KLHDC2: variants seen among roughly 807,000 people sequenced by gnomAD.
KLHDC2 encodes the protein kelch domain-containing protein 2.
A neutral mutation model predicts 62.3 loss-of-function variants in KLHDC2; 38 were observed. The ratio of observed to expected loss-of-function variants is 0.61; its 90% confidence interval spans 0.47 to 0.80. KLHDC2 has a LOEUF of 0.80. Among genes scored for constraint, KLHDC2 ranks in the 30% least tolerant of loss-of-function variants. The probability of loss-of-function intolerance (pLI) is 0.00; values close to 1 mark genes in which losing one functional copy is unlikely to be tolerated. For synonymous variants in KLHDC2, 159 were observed against 161.0 expected, an observed-to-expected ratio of 0.99 and a Z score of 0.09; for missense variants, 430 against 495.3, an observed-to-expected ratio of 0.87 and a Z score of 1.25.
At chr14:49,768,970 C>T (rs1889603430) in intron 1 of KLHDC2, 1 of 226,918 alleles carries the variant, frequency 4.4e-6, no homozygotes, top group Non-Finnish European at 8.6e-6. Flanking sequence ...TGAAAGGTGA[C>T]GGTGTGTGAT....
chr14:49,768,812 C>T (rs1889599756), intron 1 of KLHDC2, 191 bp downstream of exon 1: 1 of 552,692 alleles, frequency 1.8e-6, no homozygotes, highest in South Asian at 2.3e-5. Context: ...AGTACCCCAA[C>T]CCGTCTCGAA....
chr14:49,769,143 G>A (rs1343265443), intron 1 of KLHDC2: 1 of 152,406 alleles, frequency 6.6e-6, no homozygotes, highest in East Asian at 1.9e-4. Flanking sequence ...TGGCCATCAG[G>A]ACTGTTTTCC....
In KLHDC2 at chr14:49,777,944, T is replaced by C. The variant is rs148686027; in HGVS notation, c.457T>C (p.Tyr153His). The change falls in exon 4 of 13, where the codon TAT becomes CAT. Residue 153 changes from tyrosine to histidine, a missense_variant. Physicochemically the swap from Tyr to His is moderately conservative, Grantham distance 83. Transcript: ENST00000298307. Reference protein sequence around the residue: ...SSKDKLGVWVYKNKLIFFGGY... With the variant: ...SSKDKLGVWVHKNKLIFFGGY... ...AAAGGACAAACTTGGTGTCTGGGTA[T>C]ATAAAAACAAGTAAGTTGGCAGCAC... 4.7e-4 allele frequency: 751 copies of C among 1,594,972 alleles called. 6 individuals are homozygous for C. The East Asian group carries it at 0.013, about 28-fold the overall frequency.
intron 12 of KLHDC2, 34 bp downstream of exon 12, chr14:49,782,628 T>C (rs1889959364): frequency 6.5e-7 from 1 of 1,543,482 alleles, no homozygotes; most frequent in Non-Finnish European, 8.8e-7. Context: ...TTAGATTATT[T>C]AAAATTGTGT....
chr14:49,776,590 A>AT (rs1039086295), intron 3 of KLHDC2, among the ~76,000 whole-genome samples: 2 of 151,846 alleles, frequency 1.3e-5, no homozygotes, highest in African/African-American at 4.8e-5. Context: ...TACTAAACCT[A>AT]TTTTTTTTGG....
Position 49,777,944 on chromosome 14 carries a change from T to G in KLHDC2, c.457T>G (p.Tyr153Asp). 6.3e-7 allele frequency: 1 copy of G among 1,594,930 alleles called. No individual in the cohort carries two copies. Among genetic ancestry groups the G allele is most frequent in the Non-Finnish European group, 8.6e-7 (1 of 1,166,056 alleles). ...AAAGGACAAACTTGGTGTCTGGGTA[T>G]ATAAAAACAAGTAAGTTGGCAGCAC... ...SSKDKLGVWV[Y>D]KNKLIFFGGY... Residue 153 changes from tyrosine (Y) to aspartate (D), a missense_variant, in exon 4 of 13, where the codon TAT (tyrosine) becomes GAT (aspartate). Tyr to Asp is a radical substitution (Grantham distance 160). Transcript: ENST00000298307.
chr14:49,778,802 C>T (rs1272716518), intron 6 of KLHDC2, among the ~76,000 whole-genome samples: 1 of 151,688 alleles, frequency 6.6e-6, no homozygotes, highest in East Asian at 1.9e-4. Context: ...CTGCTTACTG[C>T]AATCTCCACC....
Position 49,783,654 on chromosome 14 carries a change from T to C in KLHDC2, c.*701T>C, listed in dbSNP as rs868799719. The C allele has an allele frequency of 6.6e-6, 1 of 152,122 alleles. No homozygotes were observed. The highest frequency in any genetic ancestry group is 6.5e-5 in the Admixed American group (1 of 15,268). The allele number at this position is 152,122 out of a possible 1,614,324, so 9.4% of individuals were successfully genotyped here. ...AGAGTCTTTAGTGGTAAGCCTAAAA[T>C]GCGCTTCTGGTATTATAGGTTAAGA... On this transcript the variant is annotated 3_prime_UTR_variant, in exon 13 of 13. Transcript: ENST00000298307.
intron 2 of KLHDC2, among the ~76,000 whole-genome samples, chr14:49,773,072 T>C (rs925229533): frequency 6.6e-6 from 1 of 152,202 alleles, no homozygotes; most frequent in Non-Finnish European, 1.5e-5. Flanking sequence ...GAATTGGAAA[T>C]TTATAATTGT....
chr14:49,782,126 C>T (rs532233481), intron 10 of KLHDC2: 37 of 456,182 alleles, frequency 8.1e-5, no homozygotes, highest in Non-Finnish European at 1.3e-4. Context: ...GAGAACAGAT[C>T]GTTCAGTTCA....
chr14:49,778,393 G>A lies in KLHDC2; in HGVS notation c.550-18G>A. The A allele has an allele frequency of 6.9e-7, 1 of 1,450,980 alleles. No homozygotes were observed. Among genetic ancestry groups the A allele is most frequent in the Non-Finnish European group, 9.6e-7 (1 of 1,045,456 alleles). 89.9% of individuals were successfully genotyped at this position (1,450,980 alleles called of 1,614,324 possible). A position where few individuals can be genotyped will look rare whatever the true frequency, so the allele number is the denominator to read the frequency against. On this transcript the variant is annotated intron_variant, in intron 5 of 12. Transcript: ENST00000298307. The stretch of plus-strand genomic sequence containing the variant: ...TAAATATCATTTCTAAAATAACGCG[G>A]ATTCTTATTTTCTGTAGAATTCAAG...
chr14:49,768,512 G>C lies in KLHDC2; in HGVS notation c.44G>C (p.Gly15Ala), dbSNP rs773439951. ...GATCTGCGGGCTGACGACTTGCCTGGGCCAGCCTTCGAGAGCTATGAGTCC... is the reference window on the plus strand; with the variant it reads ...GATCTGCGGGCTGACGACTTGCCTGCGCCAGCCTTCGAGAGCTATGAGTCC... ...NEDLRADDLPGPAFESYESME... is the reference protein window; with the variant it reads ...NEDLRADDLPAPAFESYESME... The change falls in exon 1 of 13, where the codon GGG becomes GCG. Residue 15 changes from glycine to alanine, a missense_variant. By Grantham distance (60) the Gly-to-Ala change is moderately conservative. Transcript: ENST00000298307. The C allele has an allele frequency of 1.9e-6, 3 of 1,610,470 alleles. 1 individual carries two copies. The South Asian group carries it at 3.3e-5, about 18-fold the overall frequency.
rs774639443 is a variant in KLHDC2 at position 49,785,079 on chromosome 14, CAA to C, written c.*2128_*2129del. ...TGTTTAAAATCATAATTCAAAAAAA[CAA>C]ATTTAAATACCTTTTCCCTTTTTCT... On this transcript the variant is annotated 3_prime_UTR_variant, in exon 13 of 13. Coordinates refer to ENST00000298307, the MANE Select transcript of KLHDC2 (RefSeq NM_014315.3). 3.7e-6 allele frequency: 6 copies of C among 1,606,868 alleles called. No individual in the cohort carries two copies. The highest frequency in any genetic ancestry group is 5.1e-6 in the Non-Finnish European group (6 of 1,173,890).
In KLHDC2 at chr14:49,783,008, TCA is replaced by T. The variant is rs1023195309; in HGVS notation, c.*58_*59del. ...TGCATGGACAGCAATCCTGTAAACATCACAGAGTGGCATCATTTGTATAATTA... is the reference window on the plus strand; with the variant it reads ...TGCATGGACAGCAATCCTGTAAACATCAGAGTGGCATCATTTGTATAATTA... On this transcript the variant is annotated 3_prime_UTR_variant, in exon 13 of 13. Coordinates refer to ENST00000298307, the MANE Select transcript of KLHDC2 (RefSeq NM_014315.3). The T allele has an allele frequency of 4.2e-5, 66 of 1,555,384 alleles. No homozygotes were observed. In the African/African-American group the frequency reaches 8.5e-4, roughly 20 times the overall value.
chr14:49,769,690 A>G (rs55928543), intron 1 of KLHDC2, among the ~76,000 whole-genome samples: 25,433 of 152,056 alleles, frequency 0.17, 2,393 homozygotes, highest in Non-Finnish European at 0.21. Context: ...TAATCCTAGC[A>G]CTTTGGGAGG....
rs1889991303 is a variant in KLHDC2, at chr14:49,783,140, T to C, written c.*187T>C. The C allele has an allele frequency of 2.2e-6, 1 of 450,382 alleles. No individual in the cohort carries two copies. Among genetic ancestry groups the C allele is most frequent in the Non-Finnish European group, 3.8e-6 (1 of 261,024 alleles). 27.9% of individuals were successfully genotyped at this position (450,382 alleles called of 1,614,324 possible). ...TTACAATAAATGTATTTAACACCAGTAGCTGTCCTCTATTAAAGTAAAGTA... is the reference window on the plus strand; with the variant it reads ...TTACAATAAATGTATTTAACACCAGCAGCTGTCCTCTATTAAAGTAAAGTA... On this transcript the variant is annotated 3_prime_UTR_variant, in exon 13 of 13. Transcript: ENST00000298307.
At chr14:49,775,615 CTTTTT>C (rs10584257) in intron 3 of KLHDC2, among the ~76,000 whole-genome samples, 46 of 87,820 alleles carry the variant, frequency 5.2e-4, no homozygotes, top group Admixed American at 7.5e-4. Flanking sequence ...AAGCAAATGT[CTTTTT>C]TTTTTTTTTT....
chr14:49,770,182 T>G lies in KLHDC2; in HGVS notation c.154-1412T>G, dbSNP rs144387847. Among the ~76,000 whole-genome samples, 618 of 152,196 alleles carry G rather than the reference T, an allele frequency of 4.1e-3. 3 individuals are homozygous for G. Among genetic ancestry groups the G allele is most frequent in the African/African-American group, 0.014 (590 of 41,516 alleles). On this transcript the variant is annotated intron_variant, in intron 1 of 12. Coordinates refer to ENST00000298307, the MANE Select transcript of KLHDC2 (RefSeq NM_014315.3). ...TGTGGATTTAAAAGGGCCTGGATGA[T>G]TGGGGCCGATTCAGGGAGGAGCAGC... is the stretch of plus-strand genomic sequence containing the variant.
intron 3 of KLHDC2, among the ~76,000 whole-genome samples, chr14:49,777,253 G>A (rs1889791818): frequency 6.6e-6 from 1 of 151,938 alleles, no homozygotes; most frequent in Admixed American, 6.6e-5. Flanking sequence ...AGGGGTAAAG[G>A]GTGATAGATG....
Sources: gnomAD v4.1 joint callset for allele counts (sites outside exome capture counted in the v4.1 genomes callset) on GRCh38, gnomAD v4.1.1 for gene constraint, MANE v1.5 for transcripts, NCBI Gene and HGNC (gene_info 2026-07-23, HGNC 2026-07-21) for gene names.